Variants in TSBP1 observed in about 807,000 individuals in gnomAD.
The protein encoded by TSBP1 is testis expressed basic protein 1.
A neutral mutation model predicts 68.8 loss-of-function variants in TSBP1; 56 were observed. The observed-to-expected ratio is 0.81, with a 90% confidence interval of 0.66 to 1.02. TSBP1 has a LOEUF of 1.02. TSBP1 is among the 50% of genes least tolerant of loss of function. The probability of loss-of-function intolerance (pLI) is 0.00; values close to 1 mark genes in which losing one functional copy is unlikely to be tolerated. For synonymous variants in TSBP1, 171 were observed against 208.7 expected (o/e 0.82, Z 1.56); for missense variants, 502 against 641.2 (o/e 0.78, Z 2.34).
intron 9 of TSBP1, 139 bp from the exon 11 acceptor site, chr6:32,339,777 T>C (rs767939705): frequency 2.0e-6 from 1 of 495,596 alleles, no homozygotes; most frequent in Non-Finnish European, 3.8e-6. Flanking sequence ...AGTCCGACTT[T>C]TGCTATTCTC....
chr6:32,366,127 A>G, intron 6 of TSBP1, 40 bp downstream of exon 6: 1 of 1,597,372 alleles, frequency 6.3e-7, no homozygotes, highest in Non-Finnish European at 8.5e-7. Context: ...AAGAAGCCTG[A>G]TTTTCCTTTA....
intron 6 of TSBP1, among the ~76,000 whole-genome samples, chr6:32,362,989 C>T (rs116519488): frequency 0.039 from 5,945 of 152,096 alleles, 331 homozygotes; most frequent in African/African-American, 0.12. Context: ...AAGTCCGCTA[C>T]GGTTATTATA....
rs898983398 is a variant in TSBP1, at chr6:32,357,743, T to C, written c.218-2074A>G. 2.4e-4 allele frequency among the ~76,000 whole-genome samples: 36 copies of C among 152,164 alleles called. No homozygotes were observed. The highest frequency in any genetic ancestry group is 9.8e-4 in the Admixed American group (15 of 15,276). On this transcript the variant is annotated intron_variant, in intron 6 of 22. Transcript: ENST00000612031. This position sits in a 1 kb window ranked among gnomAD's most constrained non-coding sequence, Gnocchi z 4.7. ...TGAAGAGAGTAGGAAAGGAGTTAAA[T>C]ATCATTCCAAGGTAGATAGTCTGAG...
In TSBP1 at chr6:32,292,960, G is replaced by A. The variant is rs1163729938; in HGVS notation, c.*21C>T. ...GAATCATAATAATCACTTGTCTTATGGGCCTTTAAAAAATTTATCCTTACT... is the reference window on the plus strand; with the variant it reads ...GAATCATAATAATCACTTGTCTTATAGGCCTTTAAAAAATTTATCCTTACT... On this transcript the variant is annotated 3_prime_UTR_variant, in exon 23 of 23. Transcript: ENST00000612031. This position sits in a 1 kb window ranked among gnomAD's most constrained non-coding sequence, Gnocchi z 4.1. 1.4e-6 allele frequency: 2 copies of A among 1,433,610 alleles called. No individual in the cohort carries two copies. Among genetic ancestry groups the A allele is most frequent in the Non-Finnish European group, 9.7e-7 (1 of 1,031,364 alleles). The allele number at this position is 1,433,610 out of a possible 1,614,324, so 88.8% of individuals were successfully genotyped here.
rs115197507 is a variant in TSBP1, at chr6:32,316,024, C to T, written c.560-232G>A. 0.039 allele frequency among the ~76,000 whole-genome samples: 5,996 copies of T among 152,172 alleles called. 337 individuals are homozygous for T. Among genetic ancestry groups the T allele is most frequent in the African/African-American group, 0.12 (5,140 of 41,488 alleles). ...CAAAGGTAGGGTTTCCTTAAAGGCC[C>T]TCTTCATTTACTGGACCCAACAGCT... is the stretch of plus-strand genomic sequence containing the variant. On this transcript the variant is annotated intron_variant, in intron 18 of 22. Coordinates refer to ENST00000612031, the Ensembl canonical transcript of TSBP1. This position sits in a 1 kb window ranked among gnomAD's most constrained non-coding sequence, Gnocchi z 4.5.
intron 7 of TSBP1, 80 bp from the exon 8 acceptor site, chr6:32,355,224 G>T (rs1315997288): frequency 1.4e-6 from 2 of 1,413,500 alleles, no homozygotes; most frequent in Non-Finnish European, 2.0e-6. Context: ...TTCAGTTGCT[G>T]TCACCCCCTT....
chr6:32,298,988 G>T (rs1242649978), intron 22 of TSBP1, among the ~76,000 whole-genome samples: 1 of 152,154 alleles, frequency 6.6e-6, no homozygotes, highest in Non-Finnish European at 1.5e-5. Flanking sequence ...TGTACATTTA[G>T]TTATCCAGCT....
At chr6:32,345,479 G>A (rs1353811082) in intron 9 of TSBP1, among the ~76,000 whole-genome samples, 1 of 150,720 alleles carries the variant, frequency 6.6e-6, no homozygotes, top group Non-Finnish European at 1.5e-5. Context: ...TAGAATGCTT[G>A]GGTTTGAATT....
At chr6:32,334,386 A>C (rs116123674) in intron 14 of TSBP1, among the ~76,000 whole-genome samples, 2 of 152,090 alleles carry the variant, frequency 1.3e-5, no homozygotes, top group African/African-American at 4.8e-5. Context: ...TAATCTCAAT[A>C]TTAGAACTTC....
At chr6:32,367,824 T>C (rs1773936107) in intron 4 of TSBP1, 101 bp downstream of exon 4, 1 of 839,248 alleles carries the variant, frequency 1.2e-6, no homozygotes, top group Non-Finnish European at 1.9e-6. Context: ...AAACGAAAGA[T>C]ATGCTGACTC....
chr6:32,354,709 G>T (rs1772094125), intron 8 of TSBP1, among the ~76,000 whole-genome samples: 1 of 151,962 alleles, frequency 6.6e-6, no homozygotes, highest in Non-Finnish European at 1.5e-5. Context: ...ATATTCATAA[G>T]GTGGAATATT....
At chr6:32,367,877 A>C (rs747470411) in intron 4 of TSBP1, 48 bp downstream of exon 4, 1 of 1,383,686 alleles carries the variant, frequency 7.2e-7, no homozygotes, top group Non-Finnish European at 1.0e-6. Context: ...TCACACTCTA[A>C]AGAGTATATT....
intron 8 of TSBP1, among the ~76,000 whole-genome samples, chr6:32,354,332 C>G (rs1451685604): frequency 3.9e-5 from 6 of 151,974 alleles, no homozygotes; most frequent in Admixed American, 3.9e-4. Flanking sequence ...TGAGAAGATA[C>G]TCAATTTCAG....
chr6:32,341,030 G>T (rs1251800324), intron 9 of TSBP1, among the ~76,000 whole-genome samples: 1 of 152,048 alleles, frequency 6.6e-6, no homozygotes, highest in Non-Finnish European at 1.5e-5. Flanking sequence ...TCCTGGCCTT[G>T]AGTGATCCCC....
chr6:32,296,460 A>G (rs1582958498), intron 22 of TSBP1, among the ~76,000 whole-genome samples: 2 of 152,188 alleles, frequency 1.3e-5, no homozygotes, highest in East Asian at 3.8e-4. Flanking sequence ...CTGACATTTT[A>G]TTCTAGACAA....
chr6:32,295,727 A>G (rs1010409393), intron 22 of TSBP1, among the ~76,000 whole-genome samples: 3 of 152,204 alleles, frequency 2.0e-5, no homozygotes, highest in Non-Finnish European at 4.4e-5. Context: ...ATTGGCCATT[A>G]CTACTTCCCA....
chr6:32,340,279 C>T lies in TSBP1; in HGVS notation c.350-641G>A, dbSNP rs1770185440. On this transcript the variant is annotated intron_variant, in intron 9 of 22. Coordinates refer to ENST00000612031, the Ensembl canonical transcript of TSBP1. The surrounding 1 kb of genome is among the most constrained non-coding windows in gnomAD (Gnocchi z 4.8). ...TGTTGAAAATTTTGCAATTTTTTTT[C>T]TTAAAATAATTGAATAATTTGTTTC... Among the ~76,000 whole-genome samples, 1 of 151,918 alleles carries T rather than the reference C, an allele frequency of 6.6e-6. No individual in the cohort carries two copies. Among genetic ancestry groups the T allele is most frequent in the Admixed American group, 6.6e-5 (1 of 15,248 alleles).
At chr6:32,358,575 C>A (rs145479336) in intron 6 of TSBP1, among the ~76,000 whole-genome samples, 5,912 of 152,038 alleles carry the variant, frequency 0.039, 328 homozygotes, top group African/African-American at 0.12. Flanking sequence ...TCCCCTCACC[C>A]CACAACAGGC....
chr6:32,293,486 G>A, exon 23 of TSBP1: 1 of 1,610,606 alleles, frequency 6.2e-7, no homozygotes, highest in Non-Finnish European at 8.5e-7. Flanking sequence ...CTTTACCTGG[G>A]CTTCCTGTCC....
Sources: allele counts gnomAD v4.1 joint callset (sites outside exome capture counted in the v4.1 genomes callset), GRCh38; gene constraint gnomAD v4.1.1; non-coding constraint Gnocchi (gnomAD v3.1); transcripts MANE v1.5; gene names NCBI Gene and HGNC (gene_info 2026-07-23, HGNC 2026-07-21).